SERPINB6: variants seen among roughly 807,000 people sequenced by gnomAD.
SERPINB6 encodes the protein serpin family B member 6, also known as serpin B6.
SERPINB6 carries 16 observed loss-of-function variants against 26.1 expected under a neutral mutation model. The observed-to-expected ratio is 0.61, with a 90% CI of 0.42 to 0.93. SERPINB6 has a LOEUF of 0.93. Among genes scored for constraint, SERPINB6 ranks in the 40% least tolerant of loss-of-function variants. The pLI is 0.00. For missense variants in SERPINB6, 420 were observed against 478.0 expected (o/e 0.88, Z 1.13); for synonymous variants, 174 against 176.6 (o/e 0.99, Z 0.11).
chr6:2,971,455 C>T (rs1414018607), intron 1 of SERPINB6, 78 bp downstream of exon 1: 4 of 152,622 alleles, frequency 2.6e-5, no homozygotes, highest in Non-Finnish European at 4.4e-5. Flanking sequence ...CCTCCCCGCT[C>T]GCGCCCCCGG....
intron 1 of SERPINB6, 153 bp from the exon 2 acceptor site, chr6:2,959,495 C>A: frequency 1.3e-6 from 1 of 749,800 alleles, no homozygotes; most frequent in Non-Finnish European, 2.3e-6. Flanking sequence ...GGACCCTCCA[C>A]ATTATTTTGT....
chr6:2,966,933 G>A (rs2113339130), intron 1 of SERPINB6: 1 of 985,082 alleles, frequency 1.0e-6, no homozygotes, highest in Non-Finnish European at 1.2e-6. Flanking sequence ...GGGATTATAG[G>A]CATGAGCCAC....
intron 5 of SERPINB6, among the ~76,000 whole-genome samples, chr6:2,952,546 T>C (rs1401865442): frequency 1.3e-5 from 2 of 152,240 alleles, no homozygotes; most frequent in African/African-American, 4.8e-5. Context: ...TACTTATCCT[T>C]ACTATCAAGA....
intron 1 of SERPINB6, chr6:2,962,026 A>G (rs534028566): frequency 3.0e-6 from 3 of 985,406 alleles, no homozygotes; most frequent in Admixed American, 6.1e-5. Flanking sequence ...CCCAGCCTAA[A>G]GGACTTTTAA....
Position 2,967,032 on chromosome 6 carries a change from C to T in SERPINB6, c.-11+4501G>A. 1.0e-6 allele frequency: 1 copy of T among 985,484 alleles called. No homozygotes were observed. The allele number at this position is 985,484 out of a possible 1,614,324, so 61.0% of individuals were successfully genotyped here. ...CTCTTTTTCTGTCAAGTACAAAACT[C>T]TTAGACTGATATCATCTGGGACTTC... On this transcript the variant is annotated intron_variant, in intron 1 of 6. Transcript: ENST00000380539. This position sits in a 1 kb window ranked among gnomAD's most constrained non-coding sequence, Gnocchi z 4.3.
intron 5 of SERPINB6, 30 bp downstream of exon 5, chr6:2,953,014 G>T: frequency 6.2e-7 from 1 of 1,613,804 alleles, no homozygotes; most frequent in Non-Finnish European, 8.5e-7. Flanking sequence ...GTGAACACAG[G>T]CGCTGCTCCT....
intron 1 of SERPINB6, chr6:2,970,334 G>A (rs7743193): frequency 0.63 from 624,604 of 989,954 alleles, 200,592 homozygotes; most frequent in East Asian, 0.74. Flanking sequence ...AGTCGAGTAT[G>A]ACCAAAGTAC....
At chr6:2,964,838 T>C (rs761879082) in intron 1 of SERPINB6, among the ~76,000 whole-genome samples, 6 of 152,224 alleles carry the variant, frequency 3.9e-5, no homozygotes, top group Non-Finnish European at 7.3e-5. Context: ...ATTTTATGTA[T>C]GTATTTATTT....
intron 5 of SERPINB6, among the ~76,000 whole-genome samples, chr6:2,949,590 A>G (rs145124490): frequency 1.3e-3 from 193 of 152,236 alleles, no homozygotes; most frequent in African/African-American, 4.6e-3. Flanking sequence ...CTGGCAAATT[A>G]TATTGGCTCT....
intron 4 of SERPINB6, among the ~76,000 whole-genome samples, chr6:2,954,010 A>G (rs750584117): frequency 1.3e-5 from 2 of 152,058 alleles, no homozygotes; most frequent in Non-Finnish European, 2.9e-5. Context: ...AGCCTGGGCA[A>G]TAAGAGCAAA....
rs1771756560 is a variant in SERPINB6 at position 2,967,684 on chromosome 6, T to C, written c.-11+3849A>G. 1 of 152,032 alleles carries C rather than the reference T, an allele frequency of 6.6e-6. No homozygotes were observed. The highest frequency in any genetic ancestry group is 6.6e-5 in the Admixed American group (1 of 15,262). 9.4% of individuals were successfully genotyped at this position (152,032 alleles called of 1,614,324 possible). On this transcript the variant is annotated intron_variant, in intron 1 of 6. Transcript: ENST00000380539. The surrounding 1 kb of genome is among the most constrained non-coding windows in gnomAD (Gnocchi z 4.3). ...AAGACATTCATGCAGCCAACAGCCA[T>C]AAGAAAAAAGGCTCAGTATCACTGA...
In SERPINB6 at chr6:2,948,484, G is replaced by A. The variant is rs1769366498; in HGVS notation, c.945C>T (p.Val315=). 2 of 1,614,006 alleles carry A rather than the reference G, an allele frequency of 1.2e-6. No individual in the cohort carries two copies. The highest frequency in any genetic ancestry group is 1.1e-5 in the South Asian group (1 of 91,090). ...MSQTDLSLSK[V]VHKSFVEVNE... The stretch of plus-strand genomic sequence containing the variant: ...TGACCTCCACAAAAGACTTGTGCAC[G>A]ACCTTGGACAGAGACAGGTCTGTCT... The change falls in exon 7 of 7, where the codon GTC becomes GTT. Residue 315 remains valine, a synonymous_variant. Coordinates refer to ENST00000380539, the MANE Select transcript of SERPINB6 (RefSeq NM_004568.6). The surrounding 1 kb of genome is among the most constrained non-coding windows in gnomAD (Gnocchi z 5.0).
In SERPINB6 at chr6:2,961,893, C is replaced by A. The variant is rs532001805; in HGVS notation, c.-10-2551G>T. The A allele has an allele frequency of 1.5e-5, 15 of 985,102 alleles. No individual in the cohort carries two copies. In the East Asian group the frequency reaches 1.7e-3, roughly 112 times the overall value. 61.0% of individuals were successfully genotyped at this position (985,102 alleles called of 1,614,324 possible). On this transcript the variant is annotated intron_variant, in intron 1 of 6. Coordinates refer to ENST00000380539, the MANE Select transcript of SERPINB6 (RefSeq NM_004568.6). ...CCCCTCAAATGCTGAAGGACTCTTA[C>A]GCTTTTTTTTTTGTAGAGACAAGGT...
Position 2,948,650 on chromosome 6 carries a change from T to C in SERPINB6, c.779A>G (p.Asp260Gly). ...YEKFVEWTRL[D>G]MMDEEEVEVS... ...TTCCACCTCCTCTTCATCCATCATG[T>C]CCAGCCTCGTCCATTCTACGAACTT... Residue 260 changes from aspartate to glycine, a missense_variant, in exon 7 of 7, where the codon GAC becomes GGC. Transcript: ENST00000380539. This position sits in a 1 kb window ranked among gnomAD's most constrained non-coding sequence, Gnocchi z 5.0. The C allele has an allele frequency of 6.2e-7, 1 of 1,614,182 alleles. No homozygotes were observed. Among genetic ancestry groups the C allele is most frequent in the East Asian group, 2.2e-5 (1 of 44,890 alleles).
chr6:2,966,966 T>C (rs1771699707), intron 1 of SERPINB6: 1 of 985,304 alleles, frequency 1.0e-6, no homozygotes. Context: ...GGGAAAAAAA[T>C]GTAAGGCACT....
In SERPINB6 at chr6:2,971,522, C is replaced by CA. The variant is rs1772176989; in HGVS notation, c.-11+10dup. ...CAGCGTGTCCGAGCGGCTCCCAAGCCAGACACGTACTCCAGAGCGGGGAGC... is the reference window on the plus strand; with the variant it reads ...CAGCGTGTCCGAGCGGCTCCCAAGCCAAGACACGTACTCCAGAGCGGGGAGC... On this transcript the variant is annotated intron_variant, in intron 1 of 6. Transcript: ENST00000380539. 1 of 152,240 alleles carries CA rather than the reference C, an allele frequency of 6.6e-6. No homozygotes were observed. The highest frequency in any genetic ancestry group is 1.5e-5 in the Non-Finnish European group (1 of 68,050). 9.4% of individuals were successfully genotyped at this position (152,240 alleles called of 1,614,324 possible).
chr6:2,959,033 C>A (rs1447091400), intron 2 of SERPINB6, 135 bp downstream of exon 2: 3 of 1,197,182 alleles, frequency 2.5e-6, no homozygotes, highest in African/African-American at 3.0e-5. Context: ...GTGGCATGCC[C>A]TTCCCTGTAA....
chr6:2,956,007 C>T (rs575861789), intron 2 of SERPINB6: 32 of 280,006 alleles, frequency 1.1e-4, no homozygotes, highest in African/African-American at 3.5e-4. Flanking sequence ...ACCCGGGAGG[C>T]GGAGGTTGCA....
chr6:2,954,518 C>T, intron 4 of SERPINB6, 74 bp downstream of exon 4: 1 of 1,146,624 alleles, frequency 8.7e-7, no homozygotes, highest in South Asian at 1.2e-5. Context: ...TTACAATTGA[C>T]AGTCTTGTGA....
Sources: allele counts gnomAD v4.1 joint callset (sites outside exome capture counted in the v4.1 genomes callset), GRCh38; gene constraint gnomAD v4.1.1; non-coding constraint Gnocchi (gnomAD v3.1); transcripts MANE v1.5; gene names NCBI Gene and HGNC (gene_info 2026-07-23, HGNC 2026-07-21).